Variants in SCAF4 observed in about 807,000 individuals in gnomAD.
SCAF4 encodes the protein SR-related and CTD-associated factor 4.
A neutral mutation model predicts 129.8 loss-of-function variants in SCAF4; 25 were observed. The ratio of observed to expected loss-of-function variants is 0.19; its 90% CI spans 0.14 to 0.27. The LOEUF (loss-of-function observed/expected upper bound fraction) is 0.27, where lower values mean the gene tolerates loss of function less well. Ranked by LOEUF, SCAF4 falls within the 10% of genes least tolerant of loss-of-function variation. The probability of loss-of-function intolerance (pLI) is 1.00; values close to 1 mark genes in which losing one functional copy is unlikely to be tolerated. For synonymous variants in SCAF4, 551 were observed against 497.7 expected (o/e 1.11, Z -1.43); for missense variants, 1,246 against 1,457.1 (o/e 0.86, Z 2.36).
chr21:31,706,594 G>A (rs532736917), intron 1 of SCAF4: 15 of 489,900 alleles, frequency 3.1e-5, no homozygotes, highest in South Asian at 1.4e-4. Flanking sequence ...GTGGCGAAGG[G>A]GTAGTGAAAT....
In SCAF4 at chr21:31,681,762, T is replaced by C. The variant is rs184113494; in HGVS notation, c.2488+3287A>G. ...GTTTTATTCCCTCCAAATTCAGTAG[T>C]ACAACTCAACTAATTACTCCCAAAC... On this transcript the variant is annotated intron_variant, in intron 19 of 19. Transcript: ENST00000286835. 7.2e-5 allele frequency among the ~76,000 whole-genome samples: 11 copies of C among 152,336 alleles called. No homozygotes were observed. The East Asian group carries it at 2.1e-3, about 29-fold the overall frequency.
chr21:31,689,310 T>C (rs2123518378), intron 15 of SCAF4, among the ~76,000 whole-genome samples: 1 of 151,660 alleles, frequency 6.6e-6, no homozygotes, highest in South Asian at 2.1e-4. Context: ...TTTATTTTAA[T>C]TTTTTGAGAC....
At chr21:31,728,226 T>TTA (rs1491210839) in intron 1 of SCAF4, among the ~76,000 whole-genome samples, 1 of 152,136 alleles carries the variant, frequency 6.6e-6, no homozygotes, top group African/African-American at 2.4e-5. Context: ...AGCTAAAGAC[T>TTA]TATATATATA....
intron 1 of SCAF4, among the ~76,000 whole-genome samples, chr21:31,723,149 A>G (rs2051112107): frequency 6.6e-6 from 1 of 152,222 alleles, no homozygotes; most frequent in Admixed American, 6.5e-5. Flanking sequence ...CTGTAGGTGA[A>G]AACAGATGAA....
At chr21:31,678,761 A>C (rs992324324) in intron 19 of SCAF4, among the ~76,000 whole-genome samples, 4 of 152,012 alleles carry the variant, frequency 2.6e-5, no homozygotes, top group Non-Finnish European at 5.9e-5. Context: ...TCTCTTCATT[A>C]CTGGTTCAGA....
intron 19 of SCAF4, among the ~76,000 whole-genome samples, chr21:31,675,159 A>G (rs1017214895): frequency 6.6e-6 from 1 of 152,192 alleles, no homozygotes; most frequent in Non-Finnish European, 1.5e-5. Context: ...GAAAACTAAG[A>G]AGAAAGGAGA....
At chr21:31,717,874 TAC>T (rs1402072429) in intron 1 of SCAF4, among the ~76,000 whole-genome samples, 1 of 73,198 alleles carries the variant, frequency 1.4e-5, no homozygotes. Flanking sequence ...CACACACATA[TAC>T]ACATATATAC....
chr21:31,681,510 ATACAG>A (rs1328370552), intron 19 of SCAF4, among the ~76,000 whole-genome samples: 2 of 152,208 alleles, frequency 1.3e-5, no homozygotes, highest in African/African-American at 4.8e-5. Flanking sequence ...ACAAACACTT[ATACAG>A]TAAAGAGAAT....
At chr21:31,721,471 TG>T (rs1287599088) in intron 1 of SCAF4, among the ~76,000 whole-genome samples, 1 of 152,184 alleles carries the variant, frequency 6.6e-6, no homozygotes, top group Non-Finnish European at 1.5e-5. Context: ...CTACTTTAAC[TG>T]AAAGTCAAAA....
rs564605117 is a variant in SCAF4, at chr21:31,690,022, A to G, written c.1885+775T>C. On this transcript the variant is annotated intron_variant, in intron 15 of 19. Transcript: ENST00000286835. ...TCCTCTGTCTAGCAATCTCCAGGTCATGCCCATGCATTCTGTGATTTTCCC... is the reference window on the plus strand; with the variant it reads ...TCCTCTGTCTAGCAATCTCCAGGTCGTGCCCATGCATTCTGTGATTTTCCC... 5.3e-5 allele frequency among the ~76,000 whole-genome samples: 8 copies of G among 152,294 alleles called. No individual in the cohort carries two copies. In the East Asian group the frequency reaches 1.6e-3, roughly 30 times the overall value.
chr21:31,730,470 G>C (rs902052570), intron 1 of SCAF4, among the ~76,000 whole-genome samples: 18 of 152,284 alleles, frequency 1.2e-4, no homozygotes, highest in African/African-American at 4.1e-4. Flanking sequence ...TAATTGGAAA[G>C]TCCCATATAT....
In SCAF4 at chr21:31,696,720, C is replaced by T; in HGVS notation, c.808G>A (p.Glu270Lys). Reference protein sequence around the residue: ...KLLDRFDYDDEPEAVEESKKE... With the variant: ...KLLDRFDYDDKPEAVEESKKE... ...TTTGATTCTTCCACAGCTTCTGGCT[C>T]ATCATCATAGTCAAATCTATCAAGC... Residue 270 changes from glutamate to lysine, a missense_variant, in exon 8 of 20, where the codon GAG becomes AAG. Physicochemically the swap from Glu to Lys is moderately conservative, Grantham distance 56. Transcript: ENST00000286835. 6.2e-7 allele frequency: 1 copy of T among 1,612,524 alleles called. No homozygotes were observed. The highest frequency in any genetic ancestry group is 8.5e-7 in the Non-Finnish European group (1 of 1,179,166).
At position 31,688,360 on chromosome 21, in the gene SCAF4, CAGGTAATGGTTT is replaced by C. The variant is rs2050180193; in HGVS notation, c.1978_1989del (p.Lys660_Pro663del). On this transcript the variant is annotated inframe_deletion, in exon 16 of 20. Coordinates refer to ENST00000286835, the MANE Select transcript of SCAF4 (RefSeq NM_020706.2). ...GGAACAGGAATAGGAGGGACAGGCA[CAGGTAATGGTTT>C]AGGTATGGGTGATACTGGTTCTGTG... The C allele has an allele frequency of 2.5e-6, 4 of 1,613,254 alleles. No homozygotes were observed. The highest frequency in any genetic ancestry group is 3.4e-6 in the Non-Finnish European group (4 of 1,179,472).
chr21:31,684,994 G>A, intron 19 of SCAF4, 55 bp downstream of exon 19: 3 of 613,210 alleles, frequency 4.9e-6, no homozygotes, highest in South Asian at 4.9e-5. Flanking sequence ...GGATGGGTGG[G>A]GGGGTGGGGG....
chr21:31,726,481 G>A (rs1426000308), intron 1 of SCAF4, among the ~76,000 whole-genome samples: 1 of 152,162 alleles, frequency 6.6e-6, no homozygotes, highest in Non-Finnish European at 1.5e-5. Context: ...GGGCAACAGA[G>A]CCAAACCCCG....
chr21:31,701,377 T>G (rs2050527647), intron 6 of SCAF4, among the ~76,000 whole-genome samples: 1 of 152,194 alleles, frequency 6.6e-6, no homozygotes, highest in African/African-American at 2.4e-5. Context: ...TAAAAATGTA[T>G]GCTGACAATG....
rs1274899220 is a variant in SCAF4, at chr21:31,692,546, T to A, written c.1514-97A>T. The A allele has an allele frequency of 3.9e-6, 3 of 760,978 alleles. No homozygotes were observed. The African/African-American group carries it at 5.2e-5, about 13-fold the overall frequency. The allele number at this position is 760,978 out of a possible 1,614,324, so 47.1% of individuals were successfully genotyped here. On this transcript the variant is annotated intron_variant, in intron 12 of 19. Transcript: ENST00000286835. ...ATCATTACACAAAATATTCATGAAC[T>A]ATATTACAACACCACAAGTTTAAAT...
intron 1 of SCAF4, among the ~76,000 whole-genome samples, chr21:31,712,670 A>C (rs1395662353): frequency 1.3e-5 from 2 of 151,718 alleles, no homozygotes; most frequent in African/African-American, 4.8e-5. Context: ...CTGGGATTAC[A>C]GGCGCCTGCC....
Position 31,685,389 on chromosome 21 carries a change from C to A in SCAF4, c.2296+9G>T. 2 of 1,601,766 alleles carry A rather than the reference C, an allele frequency of 1.2e-6. No individual in the cohort carries two copies. Among genetic ancestry groups the A allele is most frequent in the South Asian group, 1.1e-5 (1 of 89,260 alleles). On this transcript the variant is annotated intron_variant, in intron 18 of 19. Transcript: ENST00000286835. ...GGATAAGCAAACACAAAGAAAAAAA[C>A]ATGCTTACAGTTTGGGATGCTTATT...
Sources: allele counts gnomAD v4.1 joint callset (sites outside exome capture counted in the v4.1 genomes callset), GRCh38; gene constraint gnomAD v4.1.1; transcripts MANE v1.5; gene names NCBI Gene and HGNC (gene_info 2026-07-23, HGNC 2026-07-21).